NXPE1: variants seen among roughly 807,000 people sequenced by gnomAD.
NXPE1 encodes the protein NXPE family member 1.
In NXPE1, 31 loss-of-function variants were observed where a neutral mutation model predicts 33.3. The ratio of observed to expected loss-of-function variants is 0.93; its 90% CI spans 0.70 to 1.26. The LOEUF (loss-of-function observed/expected upper bound fraction) is 1.26. NXPE1 is among the 50% of genes most tolerant of loss of function. NXPE1 has a pLI of 0.00. For missense variants in NXPE1, 661 were observed against 655.6 expected, an observed-to-expected ratio of 1.01 and a Z score of -0.09; for synonymous variants, 229 against 231.4, an observed-to-expected ratio of 0.99 and a Z score of 0.09.
intron 6 of NXPE1, among the ~76,000 whole-genome samples, chr11:114,528,238 T>C (rs1947440225): frequency 1.3e-5 from 2 of 152,204 alleles, no homozygotes; most frequent in African/African-American, 4.8e-5. Context: ...CAGAATAGTT[T>C]CCTTGGATTA....
intron 5 of NXPE1, among the ~76,000 whole-genome samples, chr11:114,535,189 T>A (rs928135981): frequency 6.6e-6 from 1 of 152,134 alleles, no homozygotes; most frequent in African/African-American, 2.4e-5. Flanking sequence ...CTAAGCTTCA[T>A]AAGTGAAGGA....
At chr11:114,549,931 TAGAG>T (rs558686064) in intron 5 of NXPE1, among the ~76,000 whole-genome samples, 1,917 of 151,912 alleles carry the variant, frequency 0.013, 36 homozygotes, top group African/African-American at 0.044. Context: ...AGACAAAAAA[TAGAG>T]AGAAGCTAAA....
chr11:114,556,758 T>C (rs1948657909), intron 1 of NXPE1, among the ~76,000 whole-genome samples: 1 of 152,120 alleles, frequency 6.6e-6, no homozygotes, highest in Non-Finnish European at 1.5e-5. Context: ...TAAGCCACTC[T>C]GACATTTTTT....
intron 5 of NXPE1, among the ~76,000 whole-genome samples, chr11:114,550,191 C>A (rs1358336850): frequency 6.6e-6 from 1 of 152,206 alleles, no homozygotes; most frequent in East Asian, 1.9e-4. Context: ...TCCTAAATAT[C>A]TTCTGGGTCA....
chr11:114,559,026 C>G (rs563948289), intron 1 of NXPE1, among the ~76,000 whole-genome samples: 183 of 152,196 alleles, frequency 1.2e-3, no homozygotes, highest in African/African-American at 3.8e-3. Context: ...CTAGATTTAC[C>G]TGTAATATGA....
At position 114,538,461 on chromosome 11, in the gene NXPE1, G is replaced by A. The variant is rs952153867; in HGVS notation, c.100-7553C>T. ...AATTAAACTAAAGAGCTTCTGCACA[G>A]CAAAAGAAACCACCATCAGAGTGAA... is the stretch of plus-strand genomic sequence containing the variant. On this transcript the variant is annotated intron_variant, in intron 5 of 8. Transcript: ENST00000534921. Among the ~76,000 whole-genome samples, 298 of 152,234 alleles carry A rather than the reference G, an allele frequency of 2.0e-3. 1 individual carries two copies. The highest frequency in any genetic ancestry group is 6.2e-3 in the African/African-American group (257 of 41,540).
intron 5 of NXPE1, 76 bp downstream of exon 5, chr11:114,551,027 A>G (rs1240992955): frequency 5.4e-6 from 4 of 741,002 alleles, no homozygotes; most frequent in Admixed American, 4.2e-5. Context: ...GGACTAATGG[A>G]GTGGGACTGA....
At chr11:114,540,080 T>G (rs1159423111) in intron 5 of NXPE1, among the ~76,000 whole-genome samples, 1 of 152,194 alleles carries the variant, frequency 6.6e-6, no homozygotes. Context: ...CTCAGCCGCC[T>G]GAATAGCTGG....
intron 5 of NXPE1, among the ~76,000 whole-genome samples, chr11:114,540,232 C>T (rs1040947249): frequency 7.9e-5 from 12 of 152,124 alleles, no homozygotes; most frequent in Admixed American, 3.3e-4. Flanking sequence ...GCTGGGATTA[C>T]GGTGTGAGCC....
At chr11:114,545,559 T>C (rs1011650965) in intron 5 of NXPE1, among the ~76,000 whole-genome samples, 1 of 152,154 alleles carries the variant, frequency 6.6e-6, no homozygotes, top group Non-Finnish European at 1.5e-5. Context: ...GCCAGAGATT[T>C]GGGGAGGGGA....
At chr11:114,549,864 A>G (rs1948412909) in intron 5 of NXPE1, among the ~76,000 whole-genome samples, 1 of 152,098 alleles carries the variant, frequency 6.6e-6, no homozygotes, top group Non-Finnish European at 1.5e-5. Context: ...ACAAATAATA[A>G]AAGAATTTAG....
At chr11:114,519,325 A>G (rs756606730), downstream of NXPE1, among the ~76,000 whole-genome samples, 1 of 152,194 alleles carries the variant, frequency 6.6e-6, no homozygotes, top group Non-Finnish European at 1.5e-5. Context: ...GTTCTATCCC[A>G]TTAACACTTA....
At chr11:114,521,992 G>A in exon 9 of NXPE1, 1 of 1,613,046 alleles carries the variant, frequency 6.2e-7, no homozygotes, top group Non-Finnish European at 8.5e-7. Flanking sequence ...TTAAGAACAT[G>A]TTAATCTGAT....
At chr11:114,524,401 G>A (rs909572827) in intron 7 of NXPE1, among the ~76,000 whole-genome samples, 2 of 152,204 alleles carry the variant, frequency 1.3e-5, no homozygotes, top group Non-Finnish European at 2.9e-5. Context: ...CCACAGAATA[G>A]TGCATCATTA....
At chr11:114,521,146 G>A (rs927868785), downstream of NXPE1, among the ~76,000 whole-genome samples, 3 of 151,752 alleles carry the variant, frequency 2.0e-5, no homozygotes, top group African/African-American at 7.2e-5. Context: ...TTATCTATTA[G>A]GGTTATTGAT....
intron 6 of NXPE1, chr11:114,529,767 G>C (rs1405947823): frequency 5.7e-6 from 1 of 175,628 alleles, no homozygotes; most frequent in Non-Finnish European, 1.2e-5. Context: ...AGCTGGTATG[G>C]GTAATCTAGA....
At chr11:114,548,913 T>C (rs1009956059) in intron 5 of NXPE1, among the ~76,000 whole-genome samples, 1 of 151,816 alleles carries the variant, frequency 6.6e-6, no homozygotes, top group Non-Finnish European at 1.5e-5. Flanking sequence ...CACTAGTGAA[T>C]CTAATCAATT....
rs1473448545 is a variant in NXPE1, at chr11:114,527,790, G to T, written c.895+50C>A. 4 of 1,337,944 alleles carry T rather than the reference G, an allele frequency of 3.0e-6. No individual in the cohort carries two copies. The Admixed American group carries it at 8.3e-5, about 28-fold the overall frequency. The allele number at this position is 1,337,944 out of a possible 1,614,324, so 82.9% of individuals were successfully genotyped here. A position where few individuals can be genotyped will look rare whatever the true frequency, so the allele number is the denominator to read the frequency against. On this transcript the variant is annotated intron_variant, in intron 7 of 8. Transcript: ENST00000534921. ...AACTACAATTATTTAGGTTAATGCT[G>T]ATAAAAGTTTCCTCTGAGCATCACC...
At chr11:114,519,970 G>GCCACCGTCC (rs370787787), downstream of NXPE1, among the ~76,000 whole-genome samples, 3 of 112,734 alleles carry the variant, frequency 2.7e-5, no homozygotes, top group African/African-American at 5.0e-5. Flanking sequence ...CGGCGAGCTT[G>GCCACCGTCC]CCCGCTAATT....
Sources: gnomAD v4.1 joint callset for allele counts (sites outside exome capture counted in the v4.1 genomes callset) on GRCh38, gnomAD v4.1.1 for gene constraint, MANE v1.5 for transcripts, NCBI Gene and HGNC (gene_info 2026-07-23, HGNC 2026-07-21) for gene names.